The following HABP4 variants were observed in gnomAD, a reference collection of about 807,000 sequenced individuals.
HABP4 encodes hyaluronan binding protein 4.
HABP4 carries 32 observed loss-of-function variants against 44.1 expected under a neutral mutation model. That is an observed-to-expected ratio of 0.73 (90% CI 0.55 to 0.97). The LOEUF (loss-of-function observed/expected upper bound fraction) is 0.97. HABP4 is among the 50% of genes least tolerant of loss of function. HABP4 has a pLI of 0.00. For missense variants in HABP4, 503 were observed against 561.9 expected, an observed-to-expected ratio of 0.90 and a Z score of 1.06; for synonymous variants, 216 against 218.0, an observed-to-expected ratio of 0.99 and a Z score of 0.08.
At chr9:96,473,586 T>C (rs1207478823) in intron 5 of HABP4, among the ~76,000 whole-genome samples, 1 of 152,096 alleles carries the variant, frequency 6.6e-6, no homozygotes, top group Non-Finnish European at 1.5e-5. Flanking sequence ...CCCTCCAATG[T>C]CTTCCTGTCC....
Position 96,488,120 on chromosome 9 carries a change from A to G in HABP4, c.1031A>G (p.His344Arg). The G allele has an allele frequency of 1.9e-6, 3 of 1,613,560 alleles. No individual in the cohort carries two copies. Among genetic ancestry groups the G allele is most frequent in the Non-Finnish European group, 1.7e-6 (2 of 1,179,520 alleles). The stretch of plus-strand genomic sequence containing the variant: ...AAAGATGACTATGAGGACGATTCCC[A>G]TGTTTTCCGGAAACCCGCCAATGAC... ...MVKDDYEDDS[H>R]VFRKPANDIT... Residue 344 changes from histidine to arginine, a missense_variant, in exon 7 of 8, where the codon CAT (histidine) becomes CGT (arginine). By Grantham distance (29) the His-to-Arg change is conservative. Transcript: ENST00000375249. This position sits in a 1 kb window ranked among gnomAD's most constrained non-coding sequence, Gnocchi z 4.6.
At chr9:96,467,215 G>T (rs1832616692) in intron 4 of HABP4, among the ~76,000 whole-genome samples, 1 of 152,106 alleles carries the variant, frequency 6.6e-6, no homozygotes, top group African/African-American at 2.4e-5. Flanking sequence ...GAGCCACTGT[G>T]CCTGGCCAGA....
At chr9:96,472,090 C>A (rs1044299601) in intron 5 of HABP4, among the ~76,000 whole-genome samples, 1 of 152,100 alleles carries the variant, frequency 6.6e-6, no homozygotes, top group Non-Finnish European at 1.5e-5. Context: ...TGCCTGGCCT[C>A]CAAGTTCTTA....
At chr9:96,473,809 CGCCT>C (rs1832733943) in intron 5 of HABP4, among the ~76,000 whole-genome samples, 1 of 152,198 alleles carries the variant, frequency 6.6e-6, no homozygotes, top group African/African-American at 2.4e-5. Flanking sequence ...CTTTACTCTT[CGCCT>C]ATCTGTCTCT....
intron 1 of HABP4, among the ~76,000 whole-genome samples, chr9:96,453,828 C>G (rs916062371): frequency 1.1e-4 from 16 of 152,126 alleles, no homozygotes; most frequent in Non-Finnish European, 2.4e-4. Flanking sequence ...TGATCCAGCA[C>G]AGAAAAACAA....
chr9:96,458,372 T>C lies in HABP4; in HGVS notation c.350-7T>C. On this transcript the variant is annotated splice_polypyrimidine_tract_variant and splice_region_variant and intron_variant, in intron 1 of 7. Coordinates refer to ENST00000375249, the MANE Select transcript of HABP4 (RefSeq NM_014282.4). ...TCCAGCTCTCTGCTTTGATTTTCTG[T>C]TGGTAGGCCAGAAGCGGACTCCTAG... 2.5e-6 allele frequency: 4 copies of C among 1,613,810 alleles called. No homozygotes were observed. The highest frequency in any genetic ancestry group is 3.4e-6 in the Non-Finnish European group (4 of 1,179,712).
chr9:96,475,390 C>CCAAAAA (rs1832767875), intron 5 of HABP4, among the ~76,000 whole-genome samples: 1 of 94,158 alleles, frequency 1.1e-5, no homozygotes, highest in Non-Finnish European at 2.2e-5. Flanking sequence ...ACAACAACAA[C>CCAAAAA]AAAAAAAAAA....
intron 4 of HABP4, among the ~76,000 whole-genome samples, chr9:96,469,811 G>A (rs1832663046): frequency 6.6e-6 from 1 of 152,032 alleles, no homozygotes; most frequent in South Asian, 2.1e-4. Context: ...GTGAGCCACC[G>A]CGCCCGGATG....
chr9:96,460,694 T>TTGTAGACATGTTGTAGAG (rs1832486337), intron 2 of HABP4, among the ~76,000 whole-genome samples: 1 of 152,260 alleles, frequency 6.6e-6, no homozygotes, highest in Non-Finnish European at 1.5e-5. Context: ...TATGAGCCAG[T>TTGTAGACATGTTGTAGAG]TATTTTATAA....
chr9:96,458,626 CT>C (rs372291268), intron 2 of HABP4, 85 bp downstream of exon 2: 128,573 of 615,114 alleles, frequency 0.21, 28 homozygotes, highest in South Asian at 0.26. Flanking sequence ...TTCTTTCTTT[CT>C]TTTTTTTTTT....
chr9:96,465,243 G>C, intron 2 of HABP4, 94 bp from the exon 3 acceptor site: 1 of 774,672 alleles, frequency 1.3e-6, no homozygotes, highest in Non-Finnish European at 2.2e-6. Context: ...ATTCTTTCCA[G>C]TATACTATAA....
chr9:96,456,815 A>ATATATG (rs1832401150), intron 1 of HABP4, among the ~76,000 whole-genome samples: 1 of 125,256 alleles, frequency 8.0e-6, no homozygotes, highest in Non-Finnish European at 1.7e-5. Flanking sequence ...ATATATATAT[A>ATATATG]TATATATCCA....
intron 5 of HABP4, among the ~76,000 whole-genome samples, chr9:96,472,892 G>A (rs936778409): frequency 3.3e-5 from 5 of 152,112 alleles, no homozygotes; most frequent in Admixed American, 3.3e-4. Flanking sequence ...TGCAGTCTGC[G>A]TCTTTCTTGA....
At chr9:96,472,570 G>A (rs1339629066) in intron 5 of HABP4, among the ~76,000 whole-genome samples, 5 of 152,002 alleles carry the variant, frequency 3.3e-5, no homozygotes, top group Admixed American at 6.6e-5. Context: ...CATCCCCCCC[G>A]ACCTCTTCAC....
chr9:96,488,247 G>T lies in HABP4; in HGVS notation c.1158G>T (p.Glu386Asp). The T allele has an allele frequency of 6.2e-7, 1 of 1,613,502 alleles. No homozygotes were observed. The highest frequency in any genetic ancestry group is 8.5e-7 in the Non-Finnish European group (1 of 1,179,720). ...RGGRGRIRRA[E>D]NYGPRAEVVM... Reference sequence around the variant, plus strand: ...GCCGGGGAAGGATCAGGAGGGCAGAGAACTATGGACCCAGAGCAGAAGTGG... The same window carrying T: ...GCCGGGGAAGGATCAGGAGGGCAGATAACTATGGACCCAGAGCAGAAGTGG... Residue 386 changes from glutamate (E) to aspartate (D), a missense_variant, in exon 7 of 8, where the codon GAG becomes GAT. Around this residue, in one of 3 missense-constraint regions of HABP4, gnomAD observed 82 missense variants for 71.6 expected, o/e 1.15. Transcript: ENST00000375249. The surrounding 1 kb of genome is among the most constrained non-coding windows in gnomAD (Gnocchi z 4.6).
chr9:96,474,697 T>TA (rs1281132828), intron 5 of HABP4, among the ~76,000 whole-genome samples: 1 of 152,250 alleles, frequency 6.6e-6, no homozygotes, highest in Non-Finnish European at 1.5e-5. Context: ...AATACAATTA[T>TA]AATTTTTTGA....
rs1481302552 is a variant in HABP4, at chr9:96,450,918, G to T, written c.349+290G>T. Among the ~76,000 whole-genome samples the T allele has an allele frequency of 1.3e-5, 2 of 152,232 alleles. No homozygotes were observed. Among genetic ancestry groups the T allele is most frequent in the East Asian group, 3.9e-4 (2 of 5,192 alleles). On this transcript the variant is annotated intron_variant, in intron 1 of 7. Coordinates refer to ENST00000375249, the MANE Select transcript of HABP4 (RefSeq NM_014282.4). This position sits in a 1 kb window ranked among gnomAD's most constrained non-coding sequence, Gnocchi z 4.8. ...AGTTGAGGGAGGTTGTCTGGGTGGC[G>T]TGTGGGGGCGAACGGCTGAGGTCGC...
rs367751429 is a variant in HABP4 at position 96,483,376 on chromosome 9, CT to C, written c.828-1072del. Reference sequence around the variant, plus strand: ...TTGTATCTAGAATTCATAAAGCATTCTTTTTTTTTTTTTTAAAGAGACAGTG... The same window carrying C: ...TTGTATCTAGAATTCATAAAGCATTCTTTTTTTTTTTTTAAAGAGACAGTG... On this transcript the variant is annotated intron_variant, in intron 5 of 7. Transcript: ENST00000375249. 397 of 143,986 alleles carry C rather than the reference CT, an allele frequency of 2.8e-3. 1 individual carries two copies. The highest frequency in any genetic ancestry group is 0.013 in the South Asian group (58 of 4,554). The allele number at this position is 143,986 out of a possible 1,614,324, so 8.9% of individuals were successfully genotyped here. A position where few individuals can be genotyped will look rare whatever the true frequency, so the allele number is the denominator to read the frequency against.
chr9:96,488,353 G>C lies in HABP4; in HGVS notation c.1185+79G>C. ...GGGCCCAGGATGGTCTAATTTCAGA[G>C]GGTCATGAGTTTCTGCAGTCACTTC... is the stretch of plus-strand genomic sequence containing the variant. On this transcript the variant is annotated intron_variant, in intron 7 of 7. Coordinates refer to ENST00000375249, the MANE Select transcript of HABP4 (RefSeq NM_014282.4). The surrounding 1 kb of genome is among the most constrained non-coding windows in gnomAD (Gnocchi z 4.6). The C allele has an allele frequency of 1.1e-6, 1 of 913,810 alleles. No homozygotes were observed. Among genetic ancestry groups the C allele is most frequent in the Non-Finnish European group, 1.6e-6 (1 of 609,254 alleles). The allele number at this position is 913,810 out of a possible 1,614,324, so 56.6% of individuals were successfully genotyped here. A position where few individuals can be genotyped will look rare whatever the true frequency, so the allele number is the denominator to read the frequency against.
Sources: gnomAD v4.1 joint callset for allele counts (sites outside exome capture counted in the v4.1 genomes callset) on GRCh38, gnomAD v4.1.1 for gene constraint, gnomAD v4.1.1 regional missense constraint, Gnocchi (gnomAD v3.1) non-coding constraint, MANE v1.5 for transcripts, NCBI Gene and HGNC (gene_info 2026-07-23, HGNC 2026-07-21) for gene names.